The following TEX36 variants were observed in gnomAD, a reference collection of about 807,000 sequenced individuals.
TEX36 encodes the protein testis-expressed protein 36.
Under a neutral mutation model 13.6 loss-of-function variants are expected in TEX36, and 12 were observed. The ratio of observed to expected loss-of-function variants is 0.88; its 90% CI spans 0.56 to 1.43. The LOEUF is 1.43. TEX36 is among the 40% of genes most tolerant of loss of function. The pLI is 0.00. For synonymous variants in TEX36, 93 were observed against 83.0 expected, an observed-to-expected ratio of 1.12 and a Z score of -0.65; for missense variants, 224 against 228.3, an observed-to-expected ratio of 0.98 and a Z score of 0.12.
intron 3 of TEX36, among the ~76,000 whole-genome samples, chr10:125,602,459 G>A (rs1301907468): frequency 2.0e-5 from 3 of 152,144 alleles, no homozygotes; most frequent in South Asian, 2.1e-4. Flanking sequence ...CTTCCGCCCC[G>A]TCTCGTGCTG....
At chr10:125,577,897 G>A (rs1845844137) in intron 3 of TEX36, among the ~76,000 whole-genome samples, 1 of 152,212 alleles carries the variant, frequency 6.6e-6, no homozygotes, top group African/African-American at 2.4e-5. Context: ...TGAGCAAAGA[G>A]AGGAGAAAGA....
intron 3 of TEX36, among the ~76,000 whole-genome samples, chr10:125,604,378 T>C (rs570031698): frequency 6.6e-6 from 1 of 152,206 alleles, no homozygotes; most frequent in African/African-American, 2.4e-5. Flanking sequence ...ATTTGCACGC[T>C]CCTTATGAGA....
At chr10:125,656,423 A>C (rs761804541) in intron 3 of TEX36, among the ~76,000 whole-genome samples, 65 of 151,584 alleles carry the variant, frequency 4.3e-4, no homozygotes, top group Admixed American at 2.1e-3. Flanking sequence ...CGCCTGGCTA[A>C]GTTTTTGTAT....
intron 3 of TEX36, among the ~76,000 whole-genome samples, chr10:125,638,274 C>T (rs888246929): frequency 6.6e-6 from 1 of 151,814 alleles, no homozygotes; most frequent in Non-Finnish European, 1.5e-5. Context: ...GCAGCCTCAG[C>T]CTGGGCATTT....
downstream of TEX36, among the ~76,000 whole-genome samples, chr10:125,650,861 A>G (rs1346801576): frequency 2.0e-5 from 3 of 152,236 alleles, no homozygotes; most frequent in African/African-American, 7.2e-5. Context: ...AGAGAATACT[A>G]TAAACATATC....
At chr10:125,624,151 A>G (rs1846458689) in intron 3 of TEX36, among the ~76,000 whole-genome samples, 1 of 152,186 alleles carries the variant, frequency 6.6e-6, no homozygotes, top group African/African-American at 2.4e-5. Flanking sequence ...TCAGAAAGGC[A>G]AGTTAATCTT....
intron 3 of TEX36, among the ~76,000 whole-genome samples, chr10:125,643,078 C>T (rs1173487443): frequency 6.6e-6 from 1 of 152,212 alleles, no homozygotes; most frequent in Non-Finnish European, 1.5e-5. Context: ...TAGAGGTTCT[C>T]TGCCAAGGCT....
At chr10:125,618,575 G>T (rs189446800), downstream of TEX36, among the ~76,000 whole-genome samples, 3 of 152,146 alleles carry the variant, frequency 2.0e-5, no homozygotes, top group African/African-American at 2.4e-5. Context: ...CCCTGCTGGG[G>T]GGTGCCTCTC....
At position 125,612,674 on chromosome 10, in the gene TEX36, G is replaced by A. The variant is rs190766527; in HGVS notation, c.265-35800C>T. On this transcript the variant is annotated intron_variant, in intron 3 of 3. Coordinates refer to the TEX36 transcript ENST00000532135. The stretch of plus-strand genomic sequence containing the variant: ...GCAGTAGCTCCCTTAGTAATCCCCC[G>A]GGCTTTATAAGCAGGCAAACATCAT... Among the ~76,000 whole-genome samples the A allele has an allele frequency of 1.5e-3, 225 of 151,960 alleles. 1 individual carries two copies. Among genetic ancestry groups the A allele is most frequent in the African/African-American group, 5.0e-3 (208 of 41,452 alleles).
chr10:125,676,376 A>AT (rs1314639809), intron 1 of TEX36, among the ~76,000 whole-genome samples: 13 of 151,834 alleles, frequency 8.6e-5, no homozygotes, highest in Non-Finnish European at 1.5e-4. Context: ...CCTTCTTTGT[A>AT]TTTTTTTTAC....
chr10:125,613,081 A>G (rs934379737), intron 3 of TEX36, among the ~76,000 whole-genome samples: 1 of 151,978 alleles, frequency 6.6e-6, no homozygotes, highest in South Asian at 2.1e-4. Flanking sequence ...GACTGAGAGC[A>G]GAACAGTAGC....
chr10:125,587,954 A>T (rs1845977837), intron 3 of TEX36, among the ~76,000 whole-genome samples: 1 of 152,180 alleles, frequency 6.6e-6, no homozygotes. Context: ...TTAGCCGCTA[A>T]GGATTCCTTT....
At chr10:125,649,015 C>A (rs1846813956) in intron 3 of TEX36, among the ~76,000 whole-genome samples, 1 of 152,122 alleles carries the variant, frequency 6.6e-6, no homozygotes, top group Admixed American at 6.5e-5. Flanking sequence ...GTGAAAAGAA[C>A]AAATCTACGT....
intron 3 of TEX36, among the ~76,000 whole-genome samples, chr10:125,643,182 A>G (rs1273331597): frequency 6.6e-6 from 1 of 152,232 alleles, no homozygotes; most frequent in African/African-American, 2.4e-5. Context: ...CCAGGAGGGC[A>G]GGGCAGTGTC....
chr10:125,636,112 T>C lies in TEX36; in HGVS notation c.265-14467A>G, dbSNP rs566459123. On this transcript the variant is annotated intron_variant, in intron 3 of 3. Coordinates refer to the TEX36 transcript ENST00000526819. Reference sequence around the variant, plus strand: ...CTGGTCTGGAACTCCTGGACTCAAGTGATCCACCTGTCCCGGCCTCCCAAA... The same window carrying C: ...CTGGTCTGGAACTCCTGGACTCAAGCGATCCACCTGTCCCGGCCTCCCAAA... Among the ~76,000 whole-genome samples the C allele has an allele frequency of 4.9e-4, 75 of 152,058 alleles. 1 individual carries two copies. The highest frequency in any genetic ancestry group is 9.4e-4 in the Non-Finnish European group (64 of 68,012).
chr10:125,598,395 G>A (rs1039816057), intron 3 of TEX36, among the ~76,000 whole-genome samples: 41 of 152,168 alleles, frequency 2.7e-4, no homozygotes, highest in African/African-American at 9.7e-4. Context: ...GCTGAGGCTA[G>A]CACTCCTCCT....
At chr10:125,667,864 G>T in intron 1 of TEX36, 1 of 1,516,278 alleles carries the variant, frequency 6.6e-7, no homozygotes, top group Non-Finnish European at 9.1e-7. Flanking sequence ...CAGCCAGGAT[G>T]CCCTTGCCCA....
chr10:125,617,942 G>T (rs1036493004), downstream of TEX36, among the ~76,000 whole-genome samples: 55 of 152,202 alleles, frequency 3.6e-4, 1 homozygote, highest in South Asian at 3.7e-3. Flanking sequence ...TGTAGATTTG[G>T]TCTTTTCACA....
intron 1 of TEX36, chr10:125,667,600 T>A: frequency 1.4e-6 from 1 of 730,972 alleles, no homozygotes; most frequent in Non-Finnish European, 2.6e-6. Flanking sequence ...CATTTGTCCC[T>A]GCAAGGGAGA....
Sources: gnomAD v4.1 joint callset for allele counts (sites outside exome capture counted in the v4.1 genomes callset) on GRCh38, gnomAD v4.1.1 for gene constraint, MANE v1.5 for transcripts, NCBI Gene and HGNC (gene_info 2026-07-23, HGNC 2026-07-21) for gene names.